ASCC3: variants seen among roughly 807,000 people sequenced by gnomAD.
ASCC3 encodes the protein ASC-1 complex subunit P200.
ASCC3 carries 158 observed loss-of-function variants against 256.3 expected under a neutral mutation model. That is an observed-to-expected ratio of 0.62 (90% CI 0.54 to 0.70). The LOEUF is 0.70. Ranked by LOEUF, ASCC3 falls within the 30% of genes least tolerant of loss-of-function variation. The pLI, the probability that ASCC3 is intolerant of heterozygous loss-of-function variation, is 0.00. For missense variants in ASCC3, 2,259 were observed against 2,626.0 expected, an observed-to-expected ratio of 0.86 and a Z score of 3.05; for synonymous variants, 948 against 883.4, an observed-to-expected ratio of 1.07 and a Z score of -1.30.
At chr6:100,652,969 T>C in intron 17 of ASCC3, 80 bp from the exon 18 acceptor site, 3 of 1,384,248 alleles carry the variant, frequency 2.2e-6, no homozygotes, top group Non-Finnish European at 3.0e-6. Context: ...TTATGGAAAT[T>C]AAAACTTTTC....
intron 34 of ASCC3, among the ~76,000 whole-genome samples, chr6:100,595,695 T>G (rs1267061621): frequency 6.6e-6 from 1 of 152,186 alleles, no homozygotes; most frequent in Non-Finnish European, 1.5e-5. Context: ...TAGTGTTGCC[T>G]CTGTCACTTG....
chr6:100,607,108 T>G lies in ASCC3; in HGVS notation c.4786-20A>C, dbSNP rs773930277. On this transcript the variant is annotated intron_variant, in intron 30 of 41. Coordinates refer to ENST00000369162, the MANE Select transcript of ASCC3 (RefSeq NM_006828.4). Reference sequence around the variant, plus strand: ...CTCCATCTGCAAGTAAAAACAAAATTACAAGATGTAGATGCATAACTTTAA... The same window carrying G: ...CTCCATCTGCAAGTAAAAACAAAATGACAAGATGTAGATGCATAACTTTAA... The G allele has an allele frequency of 6.2e-7, 1 of 1,612,016 alleles. No homozygotes were observed. Among genetic ancestry groups the G allele is most frequent in the South Asian group, 1.1e-5 (1 of 90,982 alleles).
At chr6:100,877,354 T>C (rs904250990) in intron 1 of ASCC3, among the ~76,000 whole-genome samples, 31 of 152,172 alleles carry the variant, frequency 2.0e-4, no homozygotes, top group African/African-American at 7.2e-4. Flanking sequence ...GTACTTAAAA[T>C]AGAATCTTGT....
intron 37 of ASCC3, among the ~76,000 whole-genome samples, chr6:100,525,156 C>CAAAAAAAAAAAAAAAAAA (rs57882047): frequency 4.4e-5 from 2 of 44,956 alleles, no homozygotes; most frequent in Non-Finnish European, 7.7e-5. Context: ...GACCCTGTCT[C>CAAAAAAAAAAAAAAAAAA]AAAAAAAAAA....
intron 29 of ASCC3, among the ~76,000 whole-genome samples, chr6:100,626,393 T>C (rs1249809898): frequency 6.6e-6 from 1 of 152,020 alleles, no homozygotes; most frequent in Non-Finnish European, 1.5e-5. Flanking sequence ...TTTATTTACA[T>C]CCTAACTATG....
At chr6:100,588,194 G>A (rs1393895349) in intron 36 of ASCC3, among the ~76,000 whole-genome samples, 1 of 152,282 alleles carries the variant, frequency 6.6e-6, no homozygotes, top group Non-Finnish European at 1.5e-5. Flanking sequence ...TGGTTGTTGT[G>A]AGGATTAAAT....
At chr6:100,864,837 GTTTGGGTTC>G (rs1370021853) in intron 2 of ASCC3, among the ~76,000 whole-genome samples, 3 of 152,140 alleles carry the variant, frequency 2.0e-5, no homozygotes, top group African/African-American at 7.2e-5. Flanking sequence ...GTGTTGGCAG[GTTTGGGTTC>G]TTCTGAGGCT....
At chr6:100,535,052 T>C (rs1043614888) in intron 37 of ASCC3, among the ~76,000 whole-genome samples, 5 of 152,246 alleles carry the variant, frequency 3.3e-5, no homozygotes, top group African/African-American at 7.2e-5. Flanking sequence ...AAACATTAAC[T>C]AATGCACCAC....
chr6:100,834,013 C>A (rs992578400), intron 4 of ASCC3, among the ~76,000 whole-genome samples: 4 of 152,124 alleles, frequency 2.6e-5, no homozygotes, highest in Non-Finnish European at 5.9e-5. Flanking sequence ...TTGCAGTGAG[C>A]CGAGACAGCA....
chr6:100,818,767 A>AAAAAAAAAAT, intron 4 of ASCC3, among the ~76,000 whole-genome samples: 1 of 147,458 alleles, frequency 6.8e-6, no homozygotes, highest in African/African-American at 2.6e-5. Flanking sequence ...AAAAAAAAAA[A>AAAAAAAAAAT]AAAAAGAAAT....
chr6:100,824,591 G>T (rs1175328832), intron 4 of ASCC3, among the ~76,000 whole-genome samples: 6 of 152,068 alleles, frequency 3.9e-5, no homozygotes, highest in Non-Finnish European at 5.9e-5. Context: ...TCAATATTGA[G>T]ATCAGCCACT....
At chr6:100,845,710 T>C (rs1772349100) in intron 4 of ASCC3, among the ~76,000 whole-genome samples, 1 of 152,178 alleles carries the variant, frequency 6.6e-6, no homozygotes, top group Non-Finnish European at 1.5e-5. Context: ...TACACAGTCT[T>C]TGTGGTAAAT....
In ASCC3 at chr6:100,868,041, GAAACA is replaced by G; in HGVS notation, c.-41-8_-41-4del. The G allele has an allele frequency of 7.1e-7, 1 of 1,403,610 alleles. No homozygotes were observed. The highest frequency in any genetic ancestry group is 1.0e-6 in the Non-Finnish European group (1 of 991,398). 86.9% of individuals were successfully genotyped at this position (1,403,610 alleles called of 1,614,324 possible). On this transcript the variant is annotated splice_region_variant and splice_polypyrimidine_tract_variant and intron_variant, in intron 1 of 41. Transcript: ENST00000369162. ...TCCATACAGCAAGAAACCTGAAACT[GAAACA>G]AAACAAGATGATATTTATCTGTTCG...
At chr6:100,807,872 A>T (rs1770267395) in intron 4 of ASCC3, among the ~76,000 whole-genome samples, 1 of 151,948 alleles carries the variant, frequency 6.6e-6, no homozygotes, top group Admixed American at 6.6e-5. Context: ...TAAAAATTTT[A>T]TAAAAGTATG....
rs753164821 is a variant in ASCC3 at position 100,540,390 on chromosome 6, GAA to G, written c.5551-5_5551-4del. Reference sequence around the variant, plus strand: ...AAATCTGTATATTCTTCTGCATCCTGAAAAAAAAAAAAAGCCCCACATTGTTG... The same window carrying G: ...AAATCTGTATATTCTTCTGCATCCTGAAAAAAAAAAAGCCCCACATTGTTG... On this transcript the variant is annotated splice_polypyrimidine_tract_variant and splice_region_variant and intron_variant, in intron 36 of 41. Transcript: ENST00000369162. The G allele has an allele frequency of 1.3e-3, 1,646 of 1,303,292 alleles. No individual in the cohort carries two copies. The highest frequency in any genetic ancestry group is 1.7e-3 in the African/African-American group (110 of 64,064). 80.7% of individuals were successfully genotyped at this position (1,303,292 alleles called of 1,614,324 possible). A position where few individuals can be genotyped will look rare whatever the true frequency, so the allele number is the denominator to read the frequency against.
At chr6:100,600,715 C>G (rs1362861295) in intron 34 of ASCC3, among the ~76,000 whole-genome samples, 1 of 152,024 alleles carries the variant, frequency 6.6e-6, no homozygotes, top group Non-Finnish European at 1.5e-5. Context: ...AACATTGACC[C>G]TCCCTCCATT....
intron 37 of ASCC3, chr6:100,530,392 T>C: frequency 8.9e-7 from 1 of 1,120,772 alleles, no homozygotes. Flanking sequence ...AAGTTAGATG[T>C]TGCAACAGAT....
At chr6:100,608,097 C>CATATATATGTATATATATGTATATATAT (rs1391815541) in intron 30 of ASCC3, among the ~76,000 whole-genome samples, 1 of 45,026 alleles carries the variant, frequency 2.2e-5, no homozygotes, top group Non-Finnish European at 4.1e-5. Context: ...TATCTATATA[C>CATATATATGTATATATATGTATATATAT]ACATATATAT....
In ASCC3 at chr6:100,651,644, G is replaced by A; in HGVS notation, c.2991C>T (p.Thr997=). The change falls in exon 19 of 42, where the codon ACC becomes ACT. Residue 997 remains threonine, a splice_region_variant and synonymous_variant. Coordinates refer to ENST00000369162, the MANE Select transcript of ASCC3 (RefSeq NM_006828.4). The part of the protein sequence containing the change: ...HYYIKYNTIE[T]FNELFDAHKT... Reference sequence around the variant, plus strand: ...TGTGAGCATCAAAGAGTTCATTAAAGGTCTACCAAAGTAAGTGTTATATTT... The same window carrying A: ...TGTGAGCATCAAAGAGTTCATTAAAAGTCTACCAAAGTAAGTGTTATATTT... 6.5e-7 allele frequency: 1 copy of A among 1,546,622 alleles called. No individual in the cohort carries two copies. The highest frequency in any genetic ancestry group is 8.8e-7 in the Non-Finnish European group (1 of 1,134,012).
Sources: allele counts gnomAD v4.1 joint callset (sites outside exome capture counted in the v4.1 genomes callset), GRCh38; gene constraint gnomAD v4.1.1; transcripts MANE v1.5; gene names NCBI Gene and HGNC (gene_info 2026-07-23, HGNC 2026-07-21).